ALDH3A1: variants seen among roughly 807,000 people sequenced by gnomAD.
ALDH3A1 encodes aldehyde dehydrogenase 3 family member A1, also known as aldehyde dehydrogenase, dimeric NADP-preferring.
Under a neutral mutation model 49.9 loss-of-function variants are expected in ALDH3A1, and 46 were observed. That is an observed-to-expected ratio of 0.92 (90% CI 0.73 to 1.18). The LOEUF (loss-of-function observed/expected upper bound fraction) is 1.18, where lower values mean the gene tolerates loss of function less well. ALDH3A1 is among the 50% of genes most tolerant of loss of function. The probability of loss-of-function intolerance (pLI) is 0.00; values close to 1 mark genes in which losing one functional copy is unlikely to be tolerated. For missense variants in ALDH3A1, 592 were observed against 611.8 expected, an observed-to-expected ratio of 0.97 and a Z score of 0.34; for synonymous variants, 269 against 253.3, an observed-to-expected ratio of 1.06 and a Z score of -0.59.
chr17:19,743,801 C>T lies in ALDH3A1; in HGVS notation c.163-338G>A. On this transcript the variant is annotated intron_variant, in intron 2 of 10. Coordinates refer to ENST00000225740, the MANE Select transcript of ALDH3A1 (RefSeq NM_000691.5). The surrounding 1 kb of genome is among the most constrained non-coding windows in gnomAD (Gnocchi z 4.4). The stretch of plus-strand genomic sequence containing the variant: ...GTAGATTCAGGCAGTGGGAATGGAT[C>T]CGGGGAGGGGGGGATGGATCCGGGG... 1.1e-6 allele frequency: 1 copy of T among 938,826 alleles called. No homozygotes were observed. Among genetic ancestry groups the T allele is most frequent in the Non-Finnish European group, 1.2e-6 (1 of 806,034 alleles). 58.2% of individuals were successfully genotyped at this position (938,826 alleles called of 1,614,324 possible).
Position 19,740,357 on chromosome 17 carries a change from C to A in ALDH3A1, c.928G>T (p.Asp310Tyr), listed in dbSNP as rs780760675. 6.2e-7 allele frequency: 1 copy of A among 1,613,966 alleles called. No individual in the cohort carries two copies. ...GQKVAYGGTG[D>Y]AATRYIAPTI... ...GCACCTATGTAGCGAGTGGCGGCAT[C>A]CCCGGTGCCCCCATAAGCCACCTTC... Residue 310 changes from aspartate to tyrosine, a missense_variant, in exon 7 of 11, where the codon GAT (aspartate) becomes TAT (tyrosine). Physicochemically the swap from Asp to Tyr is radical, Grantham distance 160 (BLOSUM62 -3). Transcript: ENST00000225740.
At chr17:19,742,810 A>G (rs1474687385) in intron 3 of ALDH3A1, 180 bp from the exon 4 acceptor site, 48 of 1,534,404 alleles carry the variant, frequency 3.1e-5, no homozygotes, top group Non-Finnish European at 4.1e-5. Flanking sequence ...GGCACATGAC[A>G]GAGGGACACA....
chr17:19,738,918 G>A (rs2086437381), intron 9 of ALDH3A1, 78 bp downstream of exon 9: 3 of 1,317,274 alleles, frequency 2.3e-6, no homozygotes, highest in African/African-American at 1.5e-5. Flanking sequence ...GCAGGAGGTG[G>A]TCCCTCCTGA....
In ALDH3A1 at chr17:19,743,954, G is replaced by A; in HGVS notation, c.163-491C>T. ...CGCTCAGGGCCTCCTGTGGGGAGCA[G>A]GGGTGAGAAGAGGAGATGCAGACGG... is the stretch of plus-strand genomic sequence containing the variant. On this transcript the variant is annotated intron_variant, in intron 2 of 10. Transcript: ENST00000225740. This position sits in a 1 kb window ranked among gnomAD's most constrained non-coding sequence, Gnocchi z 4.4. 1 of 985,392 alleles carries A rather than the reference G, an allele frequency of 1.0e-6. No individual in the cohort carries two copies. The highest frequency in any genetic ancestry group is 1.2e-6 in the Non-Finnish European group (1 of 829,914). 61.0% of individuals were successfully genotyped at this position (985,392 alleles called of 1,614,324 possible).
Position 19,743,357 on chromosome 17 carries a change from G to A in ALDH3A1, c.269C>T (p.Thr90Met), listed in dbSNP as rs372500641. Residue 90 changes from threonine (T) to methionine (M), a missense_variant, in exon 3 of 11, where the codon ACG becomes ATG. Transcript: ENST00000225740. The surrounding 1 kb of genome is among the most constrained non-coding windows in gnomAD (Gnocchi z 4.4). Reference protein sequence around the residue: ...EWAADEPVEKTPQTQQDELYI... With the variant: ...EWAADEPVEKMPQTQQDELYI... ...GAGCTCGTCCTGCTGAGTCTGGGGC[G>A]TCTTCTCCACGGGCTCATCCGCGGC... The A allele has an allele frequency of 3.6e-5, 58 of 1,613,974 alleles. No individual in the cohort carries two copies. Among genetic ancestry groups the A allele is most frequent in the South Asian group, 1.6e-4 (15 of 91,086 alleles).
rs1015855781 is a variant in ALDH3A1 at position 19,742,299 on chromosome 17, C to T, written c.481-87G>A. On this transcript the variant is annotated intron_variant, in intron 4 of 10. Transcript: ENST00000225740. Reference sequence around the variant, plus strand: ...TGTGGGTGAGTTGCAGTGGCCAAGACCAGCAGCCCCGAAGCTCAGCACCCC... The same window carrying T: ...TGTGGGTGAGTTGCAGTGGCCAAGATCAGCAGCCCCGAAGCTCAGCACCCC... The T allele has an allele frequency of 3.5e-6, 5 of 1,429,018 alleles. No homozygotes were observed. The African/African-American group carries it at 5.6e-5, about 16-fold the overall frequency. The allele number at this position is 1,429,018 out of a possible 1,614,324, so 88.5% of individuals were successfully genotyped here. A position where few individuals can be genotyped will look rare whatever the true frequency, so the allele number is the denominator to read the frequency against.
Position 19,743,894 on chromosome 17 carries a change from G to T in ALDH3A1, c.163-431C>A. The stretch of plus-strand genomic sequence containing the variant: ...GTGGAGGGAGCCAGGCCCTTTAGTT[G>T]TCTGGAGGGGGATGCAGGACCAAGG... On this transcript the variant is annotated intron_variant, in intron 2 of 10. Transcript: ENST00000225740. This position sits in a 1 kb window ranked among gnomAD's most constrained non-coding sequence, Gnocchi z 4.4. 1 of 985,128 alleles carries T rather than the reference G, an allele frequency of 1.0e-6. No individual in the cohort carries two copies. Among genetic ancestry groups the T allele is most frequent in the Non-Finnish European group, 1.2e-6 (1 of 829,836 alleles). 61.0% of individuals were successfully genotyped at this position (985,128 alleles called of 1,614,324 possible). A position where few individuals can be genotyped will look rare whatever the true frequency, so the allele number is the denominator to read the frequency against.
At chr17:19,742,438 T>TTGCAGCA in intron 4 of ALDH3A1, 107 bp downstream of exon 4, 1 of 1,313,670 alleles carries the variant, frequency 7.6e-7, no homozygotes. Context: ...GCCCCACCAG[T>TTGCAGCA]AGCTTGGCCC....
chr17:19,738,986 C>T lies in ALDH3A1; in HGVS notation c.1216+10G>A, dbSNP rs761176930. On this transcript the variant is annotated intron_variant, in intron 9 of 10. Transcript: ENST00000225740. ...CCAGAGGGAGGCAGCAAGCTCAGCC[C>T]CAGACTCACCCACGCCCCCGAAGGG... The T allele has an allele frequency of 3.7e-6, 6 of 1,611,104 alleles. No individual in the cohort carries two copies. The highest frequency in any genetic ancestry group is 2.7e-5 in the African/African-American group (2 of 74,848).
intron 8 of ALDH3A1, 75 bp downstream of exon 8, chr17:19,739,433 A>T (rs1425994798): frequency 1.3e-6 from 2 of 1,502,256 alleles, no homozygotes; most frequent in African/African-American, 2.8e-5. Flanking sequence ...GCCAGAGAAC[A>T]GTGAAGCTGC....
chr17:19,743,092 G>T lies in ALDH3A1; in HGVS notation c.394+140C>A. ...CCAAGAGGCCTGGCTAAACAGCTTG[G>T]TCCCCACAGCCTCCTGTGACAGACC... On this transcript the variant is annotated intron_variant, in intron 3 of 10. Transcript: ENST00000225740. The surrounding 1 kb of genome is among the most constrained non-coding windows in gnomAD (Gnocchi z 4.4). 1.3e-6 allele frequency: 2 copies of T among 1,535,896 alleles called. No individual in the cohort carries two copies. The highest frequency in any genetic ancestry group is 1.2e-5 in the South Asian group (1 of 83,284).
Position 19,739,093 on chromosome 17 carries a change from C to T in ALDH3A1, c.1119G>A (p.Val373=). ...ATGTCTCTGCAATCATCTTCTTAAT[C>T]ACCTGCACCAGGACCCAGCCACTGG... ...ALYMFSSNDK[V]IKKMIAETSS... The change falls in exon 9 of 11, where the codon GTG becomes GTA. Residue 373 remains valine (V), a splice_region_variant and synonymous_variant. Transcript: ENST00000225740. The T allele has an allele frequency of 6.2e-7, 1 of 1,612,766 alleles. No individual in the cohort carries two copies. Among genetic ancestry groups the T allele is most frequent in the Non-Finnish European group, 8.5e-7 (1 of 1,179,694 alleles).
Position 19,741,999 on chromosome 17 carries a change from C to G in ALDH3A1, c.689+5G>C. On this transcript the variant is annotated splice_donor_5th_base_variant and intron_variant, in intron 5 of 10. Coordinates refer to ENST00000225740, the MANE Select transcript of ALDH3A1 (RefSeq NM_000691.5). ...TGCTGCAGCCAGCAGGCCCGTGCCT[C>G]TCACCGGCAGGCCACGTCCAGGTCA... 1 of 1,613,724 alleles carries G rather than the reference C, an allele frequency of 6.2e-7. No individual in the cohort carries two copies. Among genetic ancestry groups the G allele is most frequent in the Non-Finnish European group, 8.5e-7 (1 of 1,179,952 alleles).
chr17:19,742,334 G>A (rs145293763), intron 4 of ALDH3A1, 122 bp from the exon 5 acceptor site: 134 of 1,202,134 alleles, frequency 1.1e-4, no homozygotes, highest in South Asian at 2.3e-4. Context: ...CACCTTGGGC[G>A]GGGGGTAGCA....
intron 2 of ALDH3A1, chr17:19,744,011 T>C: frequency 1.0e-6 from 1 of 985,330 alleles, no homozygotes; most frequent in Non-Finnish European, 1.2e-6. Context: ...AAACTTGGGC[T>C]GTGAAGAGCA....
In ALDH3A1 at chr17:19,738,614, C is replaced by G. The variant is rs1251399009; in HGVS notation, c.1217-161G>C. ...CCCTCAAATCCTATGGCCCTCAGCA[C>G]CCAGCCCCAGGTTGTGGCCCTTTTC... On this transcript the variant is annotated intron_variant, in intron 9 of 10. Transcript: ENST00000225740. 4 of 1,104,946 alleles carry G rather than the reference C, an allele frequency of 3.6e-6. No homozygotes were observed. In the South Asian group the frequency reaches 4.7e-5, roughly 13 times the overall value. The allele number at this position is 1,104,946 out of a possible 1,614,324, so 68.4% of individuals were successfully genotyped here.
chr17:19,742,030 C>G lies in ALDH3A1; in HGVS notation c.663G>C (p.Lys221Asn). 6.2e-7 allele frequency: 1 copy of G among 1,613,940 alleles called. No homozygotes were observed. Among genetic ancestry groups the G allele is most frequent in the African/African-American group, 1.3e-5 (1 of 75,044 alleles). The stretch of plus-strand genomic sequence containing the variant: ...GGCAGGCCACGTCCAGGTCACAGTT[C>G]TTGTCCACGTAGCAGGGACTCTTCC... ...LGGKSPCYVD[K>N]NCDLDVACRR... Residue 221 changes from lysine to asparagine, a missense_variant, in exon 5 of 11, where the codon AAG becomes AAC. Coordinates refer to ENST00000225740, the MANE Select transcript of ALDH3A1 (RefSeq NM_000691.5).
intron 1 of ALDH3A1, among the ~76,000 whole-genome samples, chr17:19,746,678 CATGTGCGTGTGT>C (rs1567657377): frequency 6.5e-5 from 9 of 139,198 alleles, no homozygotes; most frequent in Admixed American, 4.2e-4. Flanking sequence ...CGTGTGTGTG[CATGTGCGTGTGT>C]GTGTGCGTGC....
In ALDH3A1 at chr17:19,738,397, G is replaced by A. The variant is rs143130305; in HGVS notation, c.1273C>T (p.Arg425Cys). The change falls in exon 10 of 11, where the codon CGC becomes TGC. Residue 425 changes from arginine to cysteine, a missense_variant. Physicochemically the swap from Arg to Cys is radical, Grantham distance 180. Transcript: ENST00000225740. ...GKKSFETFSH[R>C]RSCLVRPLMN... ...AGAGGCCTCACCAGGCAAGAGCGGC[G>A]GTGAGAGAAAGTCTCGAAGCTCTTC... is the stretch of plus-strand genomic sequence containing the variant. 2.3e-5 allele frequency: 37 copies of A among 1,613,710 alleles called. No individual in the cohort carries two copies. The highest frequency in any genetic ancestry group is 1.1e-4 in the African/African-American group (8 of 74,934).
Sources: allele counts gnomAD v4.1 joint callset (sites outside exome capture counted in the v4.1 genomes callset), GRCh38; gene constraint gnomAD v4.1.1; non-coding constraint Gnocchi (gnomAD v3.1); transcripts MANE v1.5; gene names NCBI Gene and HGNC (gene_info 2026-07-23, HGNC 2026-07-21).